The following XYLT1 variants were observed in gnomAD, a reference collection of about 807,000 sequenced individuals.
XYLT1 encodes beta-D-xylosyltransferase 1.
XYLT1 carries 36 observed loss-of-function variants against 91.3 expected under a neutral mutation model. The ratio of observed to expected loss-of-function variants is 0.39; its 90% CI spans 0.30 to 0.52. The LOEUF is 0.52. Ranked by LOEUF, XYLT1 falls within the 20% of genes least tolerant of loss-of-function variation. XYLT1 has a pLI of 0.68. For missense variants in XYLT1, 1,242 were observed against 1,284.5 expected (o/e 0.97, Z 0.51); for synonymous variants, 588 against 532.0 (o/e 1.11, Z -1.45).
At position 17,138,288 on chromosome 16, in the gene XYLT1, G is replaced by A. The variant is rs553276201; in HGVS notation, c.1764+67C>T. The stretch of plus-strand genomic sequence containing the variant: ...TAAGATGACCTGCAGGTCTGGCCTT[G>A]GATTTCTGCAGAGGTTTGTTGGGAA... On this transcript the variant is annotated intron_variant, in intron 8 of 11. Transcript: ENST00000261381. 1.1e-4 allele frequency: 166 copies of A among 1,570,960 alleles called. No individual in the cohort carries two copies. In the African/African-American group the frequency reaches 2.0e-3, roughly 19 times the overall value.
intron 5 of XYLT1, among the ~76,000 whole-genome samples, chr16:17,177,501 T>C (rs1001686238): frequency 1.3e-5 from 2 of 152,244 alleles, no homozygotes; most frequent in Non-Finnish European, 2.9e-5. Context: ...AATGGTTCTA[T>C]TGGTGTCTGT....
At chr16:17,358,822 C>T (rs182509105) in intron 1 of XYLT1, among the ~76,000 whole-genome samples, 653 of 152,190 alleles carry the variant, frequency 4.3e-3, no homozygotes, top group Non-Finnish European at 5.9e-3. Context: ...TTGGAAAGAA[C>T]AAGGGAAGGA....
At chr16:17,131,146 G>C (rs560584385) in intron 9 of XYLT1, among the ~76,000 whole-genome samples, 67 of 152,136 alleles carry the variant, frequency 4.4e-4, no homozygotes, top group Non-Finnish European at 8.8e-4. Flanking sequence ...TACTCAATCA[G>C]TACTTATTGA....
intron 3 of XYLT1, among the ~76,000 whole-genome samples, chr16:17,244,268 C>T (rs541947248): frequency 6.1e-4 from 92 of 151,940 alleles, no homozygotes; most frequent in African/African-American, 2.1e-3. Flanking sequence ...GGGGTGGGGC[C>T]TTGGGGGGTC....
At chr16:17,411,223 T>TTATA (rs1337797110) in intron 1 of XYLT1, among the ~76,000 whole-genome samples, 1 of 152,230 alleles carries the variant, frequency 6.6e-6, no homozygotes. Flanking sequence ...AACATAGTAC[T>TTATA]TGTAATATGA....
chr16:17,354,046 T>C (rs1400149137), intron 2 of XYLT1, among the ~76,000 whole-genome samples: 1 of 152,162 alleles, frequency 6.6e-6, no homozygotes, highest in African/African-American at 2.4e-5. Context: ...AAATGGTAAA[T>C]GTTAGTAAGA....
At chr16:17,280,679 G>A (rs2034043596) in intron 2 of XYLT1, among the ~76,000 whole-genome samples, 1 of 152,128 alleles carries the variant, frequency 6.6e-6, no homozygotes. Context: ...TCACATTCAT[G>A]TATTTATATT....
intron 2 of XYLT1, among the ~76,000 whole-genome samples, chr16:17,325,501 T>A (rs1319177973): frequency 1.3e-5 from 2 of 152,214 alleles, no homozygotes; most frequent in Non-Finnish European, 2.9e-5. Flanking sequence ...AGCAATTTCA[T>A]ATAATTTAAT....
rs1044027150 is a variant in XYLT1 at position 17,257,294 on chromosome 16, G to A, written c.913+1694C>T. Among the ~76,000 whole-genome samples the A allele has an allele frequency of 3.9e-5, 6 of 152,162 alleles. 1 individual carries two copies. The South Asian group carries it at 6.2e-4, about 16-fold the overall frequency. On this transcript the variant is annotated intron_variant, in intron 3 of 11. Coordinates refer to ENST00000261381, the MANE Select transcript of XYLT1 (RefSeq NM_022166.4). ...CTCCCTGGACAGATAAGAAATCTAG[G>A]CCCTGAGAGCAGAAAGGACTCTCCC...
At chr16:17,397,655 C>T (rs1004169794) in intron 1 of XYLT1, among the ~76,000 whole-genome samples, 1 of 152,002 alleles carries the variant, frequency 6.6e-6, no homozygotes, top group African/African-American at 2.4e-5. Flanking sequence ...GCTGAGAAAA[C>T]TAAAGTTCAG....
chr16:17,284,937 G>A (rs937557957), intron 2 of XYLT1, among the ~76,000 whole-genome samples: 3 of 152,182 alleles, frequency 2.0e-5, no homozygotes, highest in Non-Finnish European at 2.9e-5. Flanking sequence ...ACAGAGAGGA[G>A]AGAAGTCCGT....
intron 8 of XYLT1, among the ~76,000 whole-genome samples, chr16:17,135,487 T>A (rs2030679604): frequency 6.7e-6 from 1 of 149,308 alleles, no homozygotes; most frequent in Admixed American, 6.8e-5. Flanking sequence ...GCCGCTGCAC[T>A]CCAGCCTGGG....
At chr16:17,219,794 C>G (rs780813663) in intron 3 of XYLT1, among the ~76,000 whole-genome samples, 1 of 152,100 alleles carries the variant, frequency 6.6e-6, no homozygotes, top group Admixed American at 6.6e-5. Context: ...TTTGGGAGGC[C>G]GAGGCGGGTG....
intron 7 of XYLT1, among the ~76,000 whole-genome samples, chr16:17,140,383 G>A (rs56174168): frequency 0.15 from 22,087 of 152,054 alleles, 2,237 homozygotes; most frequent in South Asian, 0.26. Flanking sequence ...TGTGGCGGCC[G>A]GGCATGGTGG....
At chr16:17,431,342 CG>C (rs1178933181) in intron 1 of XYLT1, among the ~76,000 whole-genome samples, 1 of 152,052 alleles carries the variant, frequency 6.6e-6, no homozygotes, top group Non-Finnish European at 1.5e-5. Context: ...CTCAGAAGGT[CG>C]GGAGTGGGGC....
intron 2 of XYLT1, among the ~76,000 whole-genome samples, chr16:17,334,883 A>G (rs946618373): frequency 1.3e-5 from 2 of 151,800 alleles, no homozygotes; most frequent in Non-Finnish European, 2.9e-5. Flanking sequence ...ACTCCATCTC[A>G]AAAAACAAAA....
chr16:17,236,835 A>G (rs181998430), intron 3 of XYLT1, among the ~76,000 whole-genome samples: 1 of 152,284 alleles, frequency 6.6e-6, no homozygotes, highest in Admixed American at 6.5e-5. Context: ...ATACGGACAC[A>G]GTCATGTTGG....
chr16:17,457,728 A>G (rs2036763613), intron 1 of XYLT1, among the ~76,000 whole-genome samples: 1 of 152,242 alleles, frequency 6.6e-6, no homozygotes, highest in Non-Finnish European at 1.5e-5. Flanking sequence ...AGTGTCTTTC[A>G]TAACAGCTGC....
chr16:17,380,559 CAGATGG>C (rs1416168798), intron 1 of XYLT1, among the ~76,000 whole-genome samples: 4 of 152,282 alleles, frequency 2.6e-5, no homozygotes, highest in African/African-American at 9.6e-5. Context: ...GTGTCATTCA[CAGATGG>C]AGGGATAATA....
Sources: allele counts gnomAD v4.1 joint callset (sites outside exome capture counted in the v4.1 genomes callset), GRCh38; gene constraint gnomAD v4.1.1; transcripts MANE v1.5; gene names NCBI Gene and HGNC (gene_info 2026-07-23, HGNC 2026-07-21).